PRSS23: variants seen among roughly 807,000 people sequenced by gnomAD.
PRSS23 encodes serine protease 23.
A neutral mutation model predicts 34.7 loss-of-function variants in PRSS23; 25 were observed. The observed-to-expected ratio is 0.72, with a 90% CI of 0.53 to 1.01. The LOEUF (loss-of-function observed/expected upper bound fraction) is 1.01. Ranked by LOEUF, PRSS23 falls within the 50% of genes least tolerant of loss-of-function variation. The pLI is 0.00. For synonymous variants in PRSS23, 176 were observed against 186.6 expected (o/e 0.94, Z 0.46); for missense variants, 445 against 475.6 (o/e 0.94, Z 0.60).
At chr11:86,823,221 G>A (rs1277530298) in intron 1 of PRSS23, 1 of 606,168 alleles carries the variant, frequency 1.6e-6, no homozygotes, top group Non-Finnish European at 2.9e-6. Flanking sequence ...TTTTACTTTA[G>A]TATTCCTAAT....
rs182631246 is a variant in PRSS23 at position 86,854,198 on chromosome 11, C to T, written c.206+30605C>T. ...TGTATTTTTAGTAGAGACAGGGTTT[C>T]ACTGTGTTAGCCAGGATGGTCTTGA... On this transcript the variant is annotated intron_variant, in intron 2 of 2. Coordinates refer to the PRSS23 transcript ENST00000533902. 2.2e-4 allele frequency among the ~76,000 whole-genome samples: 33 copies of T among 152,244 alleles called. 1 individual carries two copies. In the East Asian group the frequency reaches 6.0e-3, roughly 28 times the overall value.
Position 86,810,428 on chromosome 11 carries a change from T to C in PRSS23, c.*1633T>C, listed in dbSNP as rs920418854. The C allele has an allele frequency of 6.0e-6, 1 of 167,068 alleles. No homozygotes were observed. The highest frequency in any genetic ancestry group is 6.5e-5 in the Admixed American group (1 of 15,276). 10.3% of individuals were successfully genotyped at this position (167,068 alleles called of 1,614,324 possible). A position where few individuals can be genotyped will look rare whatever the true frequency, so the allele number is the denominator to read the frequency against. On this transcript the variant is annotated 3_prime_UTR_variant, in exon 2 of 2. Coordinates refer to ENST00000280258, the MANE Select transcript of PRSS23 (RefSeq NM_007173.6). ...AGAAACGTACAACCACAGTGCTTTC[T>C]TCAAATCATATGAGAAATACTATGC...
intron 2 of PRSS23, among the ~76,000 whole-genome samples, chr11:86,915,130 G>GC (rs1949003565): frequency 8.2e-5 from 2 of 24,518 alleles, no homozygotes; most frequent in African/African-American, 2.0e-4. Context: ...CGTTTAATTG[G>GC]AAAACCCGAA....
intron 2 of PRSS23, among the ~76,000 whole-genome samples, chr11:86,864,008 A>G (rs1412584408): frequency 6.6e-6 from 1 of 152,184 alleles, no homozygotes; most frequent in Non-Finnish European, 1.5e-5. Flanking sequence ...TCATATAATA[A>G]TCACGGTCAT....
chr11:86,829,039 C>T (rs561090546), intron 2 of PRSS23, among the ~76,000 whole-genome samples: 44 of 152,162 alleles, frequency 2.9e-4, no homozygotes, highest in Non-Finnish European at 8.8e-5. Context: ...TGAATGTTGG[C>T]CTGCCTTGCT....
intron 2 of PRSS23, among the ~76,000 whole-genome samples, chr11:86,827,532 C>T (rs1052350395): frequency 6.6e-6 from 1 of 152,132 alleles, no homozygotes; most frequent in Non-Finnish European, 1.5e-5. Context: ...TTGCCTTCTG[C>T]TAGCTTTTGA....
intron 2 of PRSS23, among the ~76,000 whole-genome samples, chr11:86,850,883 G>A (rs531943025): frequency 1.1e-4 from 16 of 152,080 alleles, no homozygotes; most frequent in Non-Finnish European, 1.8e-4. Flanking sequence ...TTTGTTTCTC[G>A]CTCTGGTAAC....
rs77945600 is a variant in PRSS23, at chr11:86,917,330, G to C, written c.207-33886G>C. Reference sequence around the variant, plus strand: ...TGAGACTCCGTCTCAATCAATCAATGAATTTGTGATCGTGGGCCTCTGGTG... The same window carrying C: ...TGAGACTCCGTCTCAATCAATCAATCAATTTGTGATCGTGGGCCTCTGGTG... On this transcript the variant is annotated intron_variant, in intron 2 of 2. Transcript: ENST00000533902. 5.3e-3 allele frequency among the ~76,000 whole-genome samples: 806 copies of C among 152,302 alleles called. 4 individuals are homozygous for C. Among genetic ancestry groups the C allele is most frequent in the African/African-American group, 0.019 (771 of 41,568 alleles).
At chr11:86,883,439 A>T (rs1208284253) in intron 2 of PRSS23, among the ~76,000 whole-genome samples, 1 of 152,258 alleles carries the variant, frequency 6.6e-6, no homozygotes, top group Non-Finnish European at 1.5e-5. Flanking sequence ...CTGGATAGCC[A>T]TATGCAGAAA....
At chr11:86,804,823 G>T (rs551254708) in intron 1 of PRSS23, among the ~76,000 whole-genome samples, 1 of 152,248 alleles carries the variant, frequency 6.6e-6, no homozygotes, top group South Asian at 2.1e-4. Flanking sequence ...TAAGGCTGTG[G>T]CTCATGAAAG....
At chr11:86,830,971 C>T (rs530854699) in intron 2 of PRSS23, among the ~76,000 whole-genome samples, 7 of 152,102 alleles carry the variant, frequency 4.6e-5, no homozygotes, top group South Asian at 2.1e-4. Context: ...ATGTGCTACA[C>T]GGATGTTACT....
chr11:86,870,105 T>C (rs537102480), intron 2 of PRSS23, among the ~76,000 whole-genome samples: 1 of 152,302 alleles, frequency 6.6e-6, no homozygotes, highest in South Asian at 2.1e-4. Context: ...ATGATCTTTT[T>C]TTCCCCAAAT....
chr11:86,882,984 G>C (rs1398123303), intron 2 of PRSS23, among the ~76,000 whole-genome samples: 1 of 151,916 alleles, frequency 6.6e-6, no homozygotes, highest in Non-Finnish European at 1.5e-5. Flanking sequence ...TACACTTTTT[G>C]GCCACATCTG....
intron 2 of PRSS23, among the ~76,000 whole-genome samples, chr11:86,824,176 C>T (rs1051693157): frequency 6.6e-6 from 1 of 151,332 alleles, no homozygotes; most frequent in Admixed American, 6.6e-5. Context: ...GGCATGGCCC[C>T]GTATGCCTGT....
At chr11:86,836,131 G>A (rs186581540) in intron 2 of PRSS23, among the ~76,000 whole-genome samples, 10 of 152,252 alleles carry the variant, frequency 6.6e-5, no homozygotes, top group African/African-American at 2.4e-4. Flanking sequence ...CAGAGTGTAA[G>A]GGTTAGGTAC....
chr11:86,817,760 T>C (rs952835966), intron 1 of PRSS23, among the ~76,000 whole-genome samples: 1 of 152,266 alleles, frequency 6.6e-6, no homozygotes, highest in Non-Finnish European at 1.5e-5. Flanking sequence ...GTACCTGTAA[T>C]GTGCCAGACA....
chr11:86,845,737 T>A (rs891892009), intron 2 of PRSS23, among the ~76,000 whole-genome samples: 2 of 152,054 alleles, frequency 1.3e-5, no homozygotes, highest in Admixed American at 1.3e-4. Flanking sequence ...GCAAAAAAAT[T>A]TTGCTGTAAG....
chr11:86,951,554 A>C, exon 3 of PRSS23: 1 of 1,614,196 alleles, frequency 6.2e-7, no homozygotes, highest in South Asian at 1.1e-5. Context: ...CAAAGTTCCA[A>C]TGACCAAATA....
At chr11:86,915,284 G>A (rs1393926353) in intron 2 of PRSS23, among the ~76,000 whole-genome samples, 4 of 152,098 alleles carry the variant, frequency 2.6e-5, no homozygotes, top group Admixed American at 2.0e-4. Flanking sequence ...GGTGGGTTAG[G>A]GAGCACCAGG....
Sources: gnomAD v4.1 joint callset for allele counts (sites outside exome capture counted in the v4.1 genomes callset) on GRCh38, gnomAD v4.1.1 for gene constraint, MANE v1.5 for transcripts, NCBI Gene and HGNC (gene_info 2026-07-23, HGNC 2026-07-21) for gene names.